FN3KRP: variants seen among roughly 807,000 people sequenced by gnomAD.
FN3KRP encodes the protein ketosamine-3-kinase.
In FN3KRP, 33 loss-of-function variants were observed where a neutral mutation model predicts 29.8. That is an observed-to-expected ratio of 1.11 (90% CI 0.84 to 1.48). The LOEUF is 1.48. Among genes scored for constraint, FN3KRP ranks in the 40% most tolerant of loss-of-function variants. The pLI, the probability that FN3KRP is intolerant of heterozygous loss-of-function variation, is 0.00. For missense variants in FN3KRP, 430 were observed against 402.6 expected, an observed-to-expected ratio of 1.07 and a Z score of -0.58; for synonymous variants, 157 against 155.2, an observed-to-expected ratio of 1.01 and a Z score of -0.09.
intron 4 of FN3KRP, 133 bp downstream of exon 4, chr17:82,723,019 T>A: frequency 1.3e-6 from 1 of 787,896 alleles, no homozygotes; most frequent in Non-Finnish European, 2.0e-6. Context: ...TTTGCTGATG[T>A]TTGAGAGGTT....
intron 3 of FN3KRP, chr17:82,720,613 GTTAC>G (rs2046792123): frequency 8.2e-6 from 3 of 365,916 alleles, no homozygotes; most frequent in Admixed American, 9.0e-5. Flanking sequence ...TAGTGTTACA[GTTAC>G]TTTTACCTCT....
chr17:82,717,542 A>ACCC (rs11426847), intron 1 of FN3KRP, among the ~76,000 whole-genome samples: 3,209 of 152,112 alleles, frequency 0.021, 105 homozygotes, highest in African/African-American at 0.071. Context: ...ACAAGGTGAA[A>ACCC]CCCCCGTCTC....
rs752625606 is a variant in FN3KRP at position 82,720,316 on chromosome 17, A to AT, written c.339dup (p.Asn114Ter). On this transcript the variant is annotated frameshift_variant, in exon 3 of 6. Coordinates refer to ENST00000269373, the MANE Select transcript of FN3KRP (RefSeq NM_024619.4). LOFTEE classifies it high-confidence loss of function. ...GCCCAGCTGGCCGATTTACACCTTGATAACAAGAAGCTTGGAGAGATGCGC... is the reference window on the plus strand; with the variant it reads ...GCCCAGCTGGCCGATTTACACCTTGATTAACAAGAAGCTTGGAGAGATGCGC... The AT allele has an allele frequency of 1.2e-6, 2 of 1,614,108 alleles. No homozygotes were observed.
intron 4 of FN3KRP, 23 bp from the exon 5 acceptor site, chr17:82,726,455 CTG>C: frequency 6.2e-7 from 1 of 1,607,940 alleles, no homozygotes. Flanking sequence ...TTCCAGTGAA[CTG>C]TGCTTTTGCT....
chr17:82,725,194 C>T (rs2046828507), intron 4 of FN3KRP, among the ~76,000 whole-genome samples: 1 of 152,038 alleles, frequency 6.6e-6, no homozygotes, highest in African/African-American at 2.4e-5. Context: ...GTGGCATGAT[C>T]ATAGCTCACT....
chr17:82,723,476 C>T (rs148885948), intron 4 of FN3KRP, among the ~76,000 whole-genome samples: 3 of 152,158 alleles, frequency 2.0e-5, no homozygotes, highest in East Asian at 1.9e-4. Flanking sequence ...TCCGCCCCTT[C>T]GTCTCGTGGC....
intron 3 of FN3KRP, among the ~76,000 whole-genome samples, chr17:82,721,920 C>T (rs1311477048): frequency 1.6e-4 from 24 of 151,944 alleles, no homozygotes; most frequent in South Asian, 2.1e-4. Context: ...CCGCAACCTC[C>T]GCCTCCTGGG....
intron 4 of FN3KRP, among the ~76,000 whole-genome samples, chr17:82,725,913 C>G (rs1264515188): frequency 2.0e-5 from 3 of 152,214 alleles, no homozygotes; most frequent in Non-Finnish European, 4.4e-5. Flanking sequence ...GTGGCCCACG[C>G]CCGCCCGTAA....
At chr17:82,726,711 G>GTTTCGAT in intron 5 of FN3KRP, 109 bp downstream of exon 5, 1 of 1,513,574 alleles carries the variant, frequency 6.6e-7, no homozygotes, top group Non-Finnish European at 8.9e-7. Context: ...TTCTGGGTGG[G>GTTTCGAT]AAGCGGGTGC....
In FN3KRP at chr17:82,720,412, C is replaced by T. The variant is rs201866362; in HGVS notation, c.385+49C>T. 7 of 1,490,132 alleles carry T rather than the reference C, an allele frequency of 4.7e-6. No homozygotes were observed. In the African/African-American group the frequency reaches 8.3e-5, roughly 18 times the overall value. 92.3% of individuals were successfully genotyped at this position (1,490,132 alleles called of 1,614,324 possible). On this transcript the variant is annotated intron_variant, in intron 3 of 5. Coordinates refer to ENST00000269373, the MANE Select transcript of FN3KRP (RefSeq NM_024619.4). ...GTGCTCCCGCCTAGAGGAGGACGTT[C>T]AGCCGGTGTGGGCTCAGAGCGGGGG...
chr17:82,717,425 AGACTCAT>A (rs2046765011), intron 1 of FN3KRP, among the ~76,000 whole-genome samples: 1 of 152,098 alleles, frequency 6.6e-6, no homozygotes, highest in African/African-American at 2.4e-5. Context: ...TCCTTCTGTT[AGACTCAT>A]TCTCGGGCCG....
intron 4 of FN3KRP, among the ~76,000 whole-genome samples, chr17:82,725,544 G>A (rs12449739): frequency 0.27 from 41,579 of 151,794 alleles, 6,011 homozygotes; most frequent in East Asian, 0.46. Flanking sequence ...CCAGCTTCCG[G>A]GTTCAATCAG....
rs563309123 is a variant in FN3KRP, at chr17:82,719,902, C to T, written c.294-370C>T. Reference sequence around the variant, plus strand: ...CCTACTAGCCGGCTGTGGTGGCTCACGCCTCTAATCCCGGCACTTTGGGAG... The same window carrying T: ...CCTACTAGCCGGCTGTGGTGGCTCATGCCTCTAATCCCGGCACTTTGGGAG... On this transcript the variant is annotated intron_variant, in intron 2 of 5. Coordinates refer to ENST00000269373, the MANE Select transcript of FN3KRP (RefSeq NM_024619.4). 1.1e-4 allele frequency among the ~76,000 whole-genome samples: 17 copies of T among 152,322 alleles called. No individual in the cohort carries two copies. The South Asian group carries it at 2.1e-3, about 19-fold the overall frequency.
chr17:82,726,911 G>C lies in FN3KRP; in HGVS notation c.670G>C (p.Ala224Pro). The stretch of plus-strand genomic sequence containing the variant: ...CGGGGACCTCTGGGGTGGAAACGTA[G>C]CAGAGGATTCCTCTGGGCCGGTGAT... ...LHGDLWGGNV[A>P]EDSSGPVIFD... Residue 224 changes from alanine (A) to proline (P), a missense_variant, in exon 6 of 6, where the codon GCA becomes CCA. Ala to Pro is a conservative substitution (Grantham distance 27). Coordinates refer to ENST00000269373, the MANE Select transcript of FN3KRP (RefSeq NM_024619.4). 4 of 1,607,512 alleles carry C rather than the reference G, an allele frequency of 2.5e-6. No homozygotes were observed. The highest frequency in any genetic ancestry group is 3.4e-6 in the Non-Finnish European group (4 of 1,176,038).
In FN3KRP at chr17:82,727,026, C is replaced by T. The variant is rs2143622380; in HGVS notation, c.785C>T (p.Ala262Val). Residue 262 changes from alanine to valine, a missense_variant, in exon 6 of 6, where the codon GCC becomes GTC. By Grantham distance (64) the Ala-to-Val change is moderately conservative. Transcript: ENST00000269373. The stretch of plus-strand genomic sequence containing the variant: ...GGCTTTAGCAGCTCCTTTTACTCCG[C>T]CTACCACGGCAAAATCCCCAAGGCC... The part of the protein sequence containing the change: ...FGGFSSSFYS[A>V]YHGKIPKAPG... 1.9e-6 allele frequency: 3 copies of T among 1,614,166 alleles called. No homozygotes were observed. The highest frequency in any genetic ancestry group is 2.2e-5 in the East Asian group (1 of 44,868).
chr17:82,719,007 C>T lies in FN3KRP; in HGVS notation c.243C>T (p.Gly81=), dbSNP rs750167183. Residue 81 remains glycine, a synonymous_variant, in exon 2 of 6, where the codon GGC becomes GGT. Transcript: ENST00000269373. ...CCATCAAGGTTCTGGATGCCCCAGG[C>T]GGCGGGAGCGTGCTGGTGATGGAGC... is the stretch of plus-strand genomic sequence containing the variant. The part of the protein sequence containing the change: ...PKPIKVLDAP[G]GGSVLVMEHM... 69 of 1,614,034 alleles carry T rather than the reference C, an allele frequency of 4.3e-5. No individual in the cohort carries two copies. Among genetic ancestry groups the T allele is most frequent in the Admixed American group, 8.3e-5 (5 of 59,986 alleles).
chr17:82,720,361 T>C lies in FN3KRP; in HGVS notation c.383T>C (p.Val128Ala). The change falls in exon 3 of 6, where the codon GTG becomes GCG. Residue 128 changes from valine to alanine, a missense_variant and splice_region_variant. By Grantham distance (64) the Val-to-Ala change is moderately conservative. Coordinates refer to ENST00000269373, the MANE Select transcript of FN3KRP (RefSeq NM_024619.4). ...ATGCGCCTGAAGGAGGCGGGCACAG[T>C]GGGTATGGCACTGCGCGGGCCACGG... ...GEMRLKEAGT[V>A]GRGGGQEERP... The C allele has an allele frequency of 6.2e-6, 10 of 1,612,508 alleles. No homozygotes were observed. Among genetic ancestry groups the C allele is most frequent in the Non-Finnish European group, 8.5e-6 (10 of 1,179,588 alleles).
rs773076464 is a variant in FN3KRP at position 82,726,860 on chromosome 17, C to T, written c.619C>T (p.Leu207=). The part of the protein sequence containing the change: ...QLKIPDLFRD[L]EIIPALLHGD... ...AAAGATCCCTGACCTGTTCCGTGAC[C>T]TGGAGATCATCCCAGCCTTACTCCA... The change falls in exon 6 of 6, where the codon CTG becomes TTG. Residue 207 remains leucine, a synonymous_variant. Coordinates refer to ENST00000269373, the MANE Select transcript of FN3KRP (RefSeq NM_024619.4). 1.3e-6 allele frequency: 2 copies of T among 1,554,220 alleles called. No individual in the cohort carries two copies. Among genetic ancestry groups the T allele is most frequent in the Non-Finnish European group, 1.7e-6 (2 of 1,152,280 alleles).
At position 82,727,263 on chromosome 17, in the gene FN3KRP, G is replaced by A; in HGVS notation, c.*92G>A. On this transcript the variant is annotated 3_prime_UTR_variant, in exon 6 of 6. Transcript: ENST00000269373. ...TTCTTCACATGCTGGACTAGCTTAA[G>A]ACCAATGCAGTAGCTTATTTCCAAG... The A allele has an allele frequency of 9.2e-7, 1 of 1,090,602 alleles. No homozygotes were observed. Among genetic ancestry groups the A allele is most frequent in the Non-Finnish European group, 1.3e-6 (1 of 745,592 alleles). The allele number at this position is 1,090,602 out of a possible 1,614,324, so 67.6% of individuals were successfully genotyped here.
Sources: allele counts gnomAD v4.1 joint callset (sites outside exome capture counted in the v4.1 genomes callset), GRCh38; gene constraint gnomAD v4.1.1; transcripts MANE v1.5; gene names NCBI Gene and HGNC (gene_info 2026-07-23, HGNC 2026-07-21).